Variants in SNAP47 observed in about 807,000 individuals in gnomAD.
SNAP47 encodes the protein synaptosomal-associated protein 47.
A neutral mutation model predicts 31.4 loss-of-function variants in SNAP47; 20 were observed. The ratio of observed to expected loss-of-function variants is 0.64; its 90% CI spans 0.45 to 0.93. SNAP47 has a LOEUF of 0.93. SNAP47 is among the 40% of genes least tolerant of loss of function. The pLI, the probability that SNAP47 is intolerant of heterozygous loss-of-function variation, is 0.00. For synonymous variants in SNAP47, 194 were observed against 213.4 expected (o/e 0.91, Z 0.79); for missense variants, 492 against 528.5 (o/e 0.93, Z 0.68).
intron 3 of SNAP47, among the ~76,000 whole-genome samples, chr1:227,765,011 C>G (rs1033035695): frequency 2.6e-5 from 4 of 152,196 alleles, no homozygotes; most frequent in African/African-American, 9.7e-5. Flanking sequence ...GAGTTTGAGA[C>G]CAACCTAGGT....
In SNAP47 at chr1:227,780,844, C is replaced by A; in HGVS notation, c.*171C>A. On this transcript the variant is annotated 3_prime_UTR_variant, in exon 5 of 5. Transcript: ENST00000617596. Reference sequence around the variant, plus strand: ...ACCAGGGGCCTCCCCAGGTGTGCACCATGCCTGCCTCCCACTTGGCTGTCC... The same window carrying A: ...ACCAGGGGCCTCCCCAGGTGTGCACAATGCCTGCCTCCCACTTGGCTGTCC... The A allele has an allele frequency of 1.2e-6, 1 of 858,782 alleles. No individual in the cohort carries two copies. Among genetic ancestry groups the A allele is most frequent in the Non-Finnish European group, 1.7e-6 (1 of 574,486 alleles). The allele number at this position is 858,782 out of a possible 1,614,324, so 53.2% of individuals were successfully genotyped here.
chr1:227,741,577 C>T lies in SNAP47; in HGVS notation c.-46+6078C>T, dbSNP rs1160241667. Among the ~76,000 whole-genome samples, 3 of 152,118 alleles carry T rather than the reference C, an allele frequency of 2.0e-5. No homozygotes were observed. The highest frequency in any genetic ancestry group is 4.8e-5 in the African/African-American group (2 of 41,402). ...CATGCGTGGTCCTTCACGGAGAGTG[C>T]AGTGCCTGGCATGGGAGGGCCGGAG... On this transcript the variant is annotated intron_variant, in intron 1 of 4. Transcript: ENST00000617596. This position sits in a 1 kb window ranked among gnomAD's most constrained non-coding sequence, Gnocchi z 4.2.
chr1:227,759,269 A>G lies in SNAP47; in HGVS notation c.772A>G (p.Ile258Val), dbSNP rs1180992761. The G allele has an allele frequency of 6.2e-7, 1 of 1,614,242 alleles. No individual in the cohort carries two copies. The highest frequency in any genetic ancestry group is 8.5e-7 in the Non-Finnish European group (1 of 1,180,052). Residue 258 changes from isoleucine to valine, a missense_variant, in exon 3 of 5, where the codon ATC becomes GTC. By Grantham distance (29) the Ile-to-Val change is conservative. Transcript: ENST00000617596. Reference sequence around the variant, plus strand: ...GTTTGAAAGAGAAGACGTGGACGACATCAAGGTCCACTCACCTTACGAAAT... The same window carrying G: ...GTTTGAAAGAGAAGACGTGGACGACGTCAAGGTCCACTCACCTTACGAAAT... ...HRFEREDVDD[I>V]KVHSPYEISI...
chr1:227,762,071 C>G lies in SNAP47; in HGVS notation c.988+2586C>G, dbSNP rs913499058. 6.6e-6 allele frequency among the ~76,000 whole-genome samples: 1 copy of G among 152,370 alleles called. No homozygotes were observed. The highest frequency in any genetic ancestry group is 6.5e-5 in the Admixed American group (1 of 15,310). On this transcript the variant is annotated intron_variant, in intron 3 of 4. Coordinates refer to ENST00000617596, the MANE Select transcript of SNAP47 (RefSeq NM_053052.4). This position sits in a 1 kb window ranked among gnomAD's most constrained non-coding sequence, Gnocchi z 4.2. ...ACAGCGAGCACCGTCTTTTCACTTG[C>G]ACAGCTGCACCCGGCCCGTGGTGTT...
At chr1:227,742,790 C>G (rs898094368) in intron 1 of SNAP47, among the ~76,000 whole-genome samples, 5 of 152,226 alleles carry the variant, frequency 3.3e-5, no homozygotes, top group Admixed American at 1.3e-4. Flanking sequence ...CCTGTGGGTA[C>G]TGGCTTGCCT....
intron 4 of SNAP47, among the ~76,000 whole-genome samples, chr1:227,774,587 G>A (rs1023190262): frequency 6.6e-6 from 1 of 151,958 alleles, no homozygotes; most frequent in Non-Finnish European, 1.5e-5. Context: ...GGACCGGGCC[G>A]CAGCGCGCAG....
At chr1:227,768,401 T>C in intron 4 of SNAP47, 1 of 895,944 alleles carries the variant, frequency 1.1e-6, no homozygotes, top group Non-Finnish European at 1.3e-6. Context: ...GCCCTGTTTT[T>C]GTAGGGAGTG....
intron 1 of SNAP47, among the ~76,000 whole-genome samples, chr1:227,740,922 G>A (rs908222592): frequency 6.6e-6 from 1 of 151,276 alleles, no homozygotes; most frequent in African/African-American, 2.4e-5. Flanking sequence ...AAGTTGGGGT[G>A]CCCGTTAGGG....
chr1:227,771,844 T>G (rs1344985114), intron 4 of SNAP47, among the ~76,000 whole-genome samples: 1 of 151,994 alleles, frequency 6.6e-6, no homozygotes, highest in East Asian at 1.9e-4. Context: ...TCCCAGATGC[T>G]CACACCAACC....
At position 227,759,374 on chromosome 1, in the gene SNAP47, A is replaced by G. The variant is rs1040957434; in HGVS notation, c.877A>G (p.Ile293Val). 3 of 1,614,116 alleles carry G rather than the reference A, an allele frequency of 1.9e-6. No homozygotes were observed. The South Asian group carries it at 3.3e-5, about 18-fold the overall frequency. Residue 293 changes from isoleucine (I) to valine (V), a missense_variant, in exon 3 of 5, where the codon ATT becomes GTT. Coordinates refer to ENST00000617596, the MANE Select transcript of SNAP47 (RefSeq NM_053052.4). ...TGCCAAGATGCCAGAGGTTATCCCC[A>G]TTTTAGAAGTGCAGTTCAGCAAGAA... ...ISAKMPEVIP[I>V]LEVQFSKKME... is the part of the protein sequence containing the mutation.
In SNAP47 at chr1:227,747,735, A is replaced by C. The variant is rs746053419; in HGVS notation, c.-2A>C. The C allele has an allele frequency of 2.2e-5, 35 of 1,612,846 alleles. No individual in the cohort carries two copies. The African/African-American group carries it at 4.0e-4, about 18-fold the overall frequency. On this transcript the variant is annotated 5_prime_UTR_variant, in exon 2 of 5. Transcript: ENST00000617596. ...CCTTGGCGCACACAGACCCAGGAAC[A>C]GATGAGCAGGGATGTCTGCATCCAC... is the stretch of plus-strand genomic sequence containing the variant.
At position 227,737,408 on chromosome 1, in the gene SNAP47, G is replaced by C. The variant is rs114817028; in HGVS notation, c.-46+1909G>C. 7.6e-3 allele frequency among the ~76,000 whole-genome samples: 1,159 copies of C among 152,280 alleles called. 23 individuals are homozygous for C. The highest frequency in any genetic ancestry group is 0.027 in the African/African-American group (1,102 of 41,544). On this transcript the variant is annotated intron_variant, in intron 1 of 4. Transcript: ENST00000617596. ...TGTGCTGGTTTGCACACAGTGCGAG[G>C]CCTTTGAGTTAGGTTTGGAGGTCTG... is the stretch of plus-strand genomic sequence containing the variant.
intron 1 of SNAP47, among the ~76,000 whole-genome samples, chr1:227,738,477 T>C (rs766590893): frequency 1.3e-5 from 2 of 152,326 alleles, no homozygotes; most frequent in Non-Finnish European, 2.9e-5. Context: ...CGCACATGTA[T>C]GCACACACAC....
chr1:227,762,008 C>A lies in SNAP47; in HGVS notation c.988+2523C>A, dbSNP rs1663094431. Reference sequence around the variant, plus strand: ...CACCCTCCCTGCTCGGCTAGGAGGGCCCCCTTAGTTCAGGTCACCTGAGTG... The same window carrying A: ...CACCCTCCCTGCTCGGCTAGGAGGGACCCCTTAGTTCAGGTCACCTGAGTG... On this transcript the variant is annotated intron_variant, in intron 3 of 4. Coordinates refer to ENST00000617596, the MANE Select transcript of SNAP47 (RefSeq NM_053052.4). This position sits in a 1 kb window ranked among gnomAD's most constrained non-coding sequence, Gnocchi z 4.2. Among the ~76,000 whole-genome samples the A allele has an allele frequency of 6.6e-6, 1 of 152,184 alleles. No individual in the cohort carries two copies. Among genetic ancestry groups the A allele is most frequent in the Admixed American group, 6.5e-5 (1 of 15,284 alleles).
chr1:227,734,393 G>T (rs935485301), upstream of SNAP47: 2 of 240,116 alleles, frequency 8.3e-6, no homozygotes, highest in African/African-American at 5.1e-5. Context: ...GAGTGGAGAC[G>T]CCTTCCTGTA....
rs1181702425 is a variant in SNAP47 at position 227,741,419 on chromosome 1, T to G, written c.-46+5920T>G. The stretch of plus-strand genomic sequence containing the variant: ...GTGCAGTGACTCTCAGCAAGGCCCC[T>G]TGGCTCATGGGCCAGGTCCAGCTAC... On this transcript the variant is annotated intron_variant, in intron 1 of 4. Coordinates refer to ENST00000617596, the MANE Select transcript of SNAP47 (RefSeq NM_053052.4). The surrounding 1 kb of genome is among the most constrained non-coding windows in gnomAD (Gnocchi z 4.2). Among the ~76,000 whole-genome samples, 1 of 152,162 alleles carries G rather than the reference T, an allele frequency of 6.6e-6. No homozygotes were observed. Among genetic ancestry groups the G allele is most frequent in the Non-Finnish European group, 1.5e-5 (1 of 68,016 alleles).
intron 1 of SNAP47, among the ~76,000 whole-genome samples, chr1:227,737,526 C>T (rs1427826168): frequency 6.6e-6 from 1 of 152,132 alleles, no homozygotes; most frequent in Admixed American, 6.5e-5. Context: ...GCATCCTAAG[C>T]GGGAGAGGGG....
intron 4 of SNAP47, among the ~76,000 whole-genome samples, chr1:227,767,857 C>T (rs1450837987): frequency 6.6e-6 from 1 of 152,216 alleles, no homozygotes; most frequent in African/African-American, 2.4e-5. Context: ...GCATGGCTCA[C>T]TCAGCCCTCA....
intron 4 of SNAP47, among the ~76,000 whole-genome samples, chr1:227,774,869 GAA>G (rs1664055098): frequency 6.6e-6 from 1 of 152,210 alleles, no homozygotes; most frequent in Non-Finnish European, 1.5e-5. Context: ...CTCTTAATGG[GAA>G]TCTCCATCCC....
Sources: gnomAD v4.1 joint callset for allele counts (sites outside exome capture counted in the v4.1 genomes callset) on GRCh38, gnomAD v4.1.1 for gene constraint, Gnocchi (gnomAD v3.1) non-coding constraint, MANE v1.5 for transcripts, NCBI Gene and HGNC (gene_info 2026-07-23, HGNC 2026-07-21) for gene names.